The following CNTN5 variants were observed in gnomAD, a reference collection of about 807,000 sequenced individuals.
CNTN5 encodes the protein contactin-5.
A neutral mutation model predicts 129.1 loss-of-function variants in CNTN5; 77 were observed. That is an observed-to-expected ratio of 0.60 (90% CI 0.50 to 0.72). CNTN5 has a LOEUF of 0.72. Among genes scored for constraint, CNTN5 ranks in the 30% least tolerant of loss-of-function variants. The pLI is 0.00. For synonymous variants in CNTN5, 509 were observed against 465.6 expected (o/e 1.09, Z -1.20); for missense variants, 1,478 against 1,328.8 (o/e 1.11, Z -1.75).
intron 2 of CNTN5, among the ~76,000 whole-genome samples, chr11:99,374,370 C>T (rs1327796381): frequency 6.6e-6 from 1 of 152,184 alleles, no homozygotes; most frequent in Non-Finnish European, 1.5e-5. Context: ...ATTTATTTTC[C>T]TTGAAGCTAT....
At chr11:99,654,033 C>T (rs929073927) in intron 3 of CNTN5, among the ~76,000 whole-genome samples, 2 of 151,304 alleles carry the variant, frequency 1.3e-5, no homozygotes, top group South Asian at 4.2e-4. Flanking sequence ...TCAAAAAAGC[C>T]GTTAATGAAT....
chr11:99,821,537 A>G (rs1437149512), intron 4 of CNTN5, among the ~76,000 whole-genome samples: 1 of 151,988 alleles, frequency 6.6e-6, no homozygotes, highest in African/African-American at 2.4e-5. Context: ...TTTTTTCTGG[A>G]AGATCATCAT....
intron 2 of CNTN5, among the ~76,000 whole-genome samples, chr11:99,511,173 A>G (rs144351479): frequency 0.066 from 9,984 of 151,976 alleles, 361 homozygotes; most frequent in African/African-American, 0.097. Context: ...TTCTCTTGTG[A>G]GCATTTAGTG....
intron 3 of CNTN5, among the ~76,000 whole-genome samples, chr11:99,677,455 C>A (rs568693379): frequency 6.6e-6 from 1 of 152,076 alleles, no homozygotes; most frequent in African/African-American, 2.4e-5. Context: ...CTGAACCAGC[C>A]GGTCAAGTTT....
intron 3 of CNTN5, among the ~76,000 whole-genome samples, chr11:99,637,511 G>T (rs1244933213): frequency 6.6e-6 from 1 of 152,144 alleles, no homozygotes; most frequent in African/African-American, 2.4e-5. Context: ...GGTGGTTGAT[G>T]AAGACTGTGC....
At chr11:99,972,471 C>T (rs1951290938) in intron 8 of CNTN5, among the ~76,000 whole-genome samples, 1 of 152,144 alleles carries the variant, frequency 6.6e-6, no homozygotes, top group Non-Finnish European at 1.5e-5. Context: ...AAGAGCAGCC[C>T]TCTCCCAGCT....
At chr11:99,616,199 G>A (rs1189557301) in intron 3 of CNTN5, among the ~76,000 whole-genome samples, 1 of 152,016 alleles carries the variant, frequency 6.6e-6, no homozygotes, top group Non-Finnish European at 1.5e-5. Flanking sequence ...TTATAAGTCC[G>A]CTCTGTTCCC....
At chr11:100,237,051 T>A (rs1949631089) in intron 16 of CNTN5, among the ~76,000 whole-genome samples, 1 of 150,846 alleles carries the variant, frequency 6.6e-6, no homozygotes, top group Admixed American at 6.6e-5. Context: ...TAGCCAGGTG[T>A]GGTGGTGGGC....
chr11:100,041,505 A>T (rs905274031), intron 9 of CNTN5, among the ~76,000 whole-genome samples: 3 of 152,182 alleles, frequency 2.0e-5, no homozygotes, highest in Non-Finnish European at 2.9e-5. Context: ...GCTACTTTCA[A>T]ACTTACTCTT....
chr11:99,968,910 T>C (rs958181890), intron 8 of CNTN5, among the ~76,000 whole-genome samples: 8 of 151,764 alleles, frequency 5.3e-5, no homozygotes, highest in Admixed American at 3.9e-4. Context: ...ATATAGAAAA[T>C]TTGGCTTTTG....
intron 6 of CNTN5, among the ~76,000 whole-genome samples, chr11:99,888,494 A>C (rs1213129662): frequency 3.3e-5 from 5 of 152,206 alleles, no homozygotes; most frequent in African/African-American, 1.2e-4. Flanking sequence ...GACAACAGGA[A>C]GTGCCTAATA....
intron 6 of CNTN5, among the ~76,000 whole-genome samples, chr11:99,889,553 G>A (rs1357081345): frequency 1.1e-5 from 1 of 89,114 alleles, no homozygotes; most frequent in African/African-American, 4.2e-5. Flanking sequence ...TTTTTCTTTT[G>A]AGATTGAGTT....
chr11:100,041,946 C>T (rs1942401745), intron 9 of CNTN5, among the ~76,000 whole-genome samples: 1 of 152,110 alleles, frequency 6.6e-6, no homozygotes, highest in Admixed American at 6.5e-5. Context: ...AGTCAAGAAT[C>T]AGAAAGGAGA....
intron 3 of CNTN5, among the ~76,000 whole-genome samples, chr11:99,596,068 TC>T (rs1336752714): frequency 6.6e-6 from 1 of 152,096 alleles, no homozygotes; most frequent in African/African-American, 2.4e-5. Flanking sequence ...ACCCAGATAA[TC>T]TTTTGGGTCT....
intron 6 of CNTN5, among the ~76,000 whole-genome samples, chr11:99,875,060 A>G (rs1420144326): frequency 6.6e-6 from 1 of 152,182 alleles, no homozygotes; most frequent in African/African-American, 2.4e-5. Context: ...TAGCGTTAGT[A>G]AGAATCAAAT....
intron 13 of CNTN5, among the ~76,000 whole-genome samples, chr11:100,167,137 C>T (rs1320232164): frequency 2.6e-5 from 4 of 151,554 alleles, no homozygotes; most frequent in South Asian, 2.1e-4. Context: ...TTCCAAACCC[C>T]GCCCCCAAAT....
intron 13 of CNTN5, among the ~76,000 whole-genome samples, chr11:100,141,135 G>C (rs1313560112): frequency 3.9e-5 from 6 of 152,072 alleles, no homozygotes; most frequent in East Asian, 1.9e-4. Context: ...CACGTGGTTG[G>C]GGGGAGGCAT....
At chr11:99,992,351 G>A (rs1006530342) in intron 8 of CNTN5, among the ~76,000 whole-genome samples, 26 of 152,274 alleles carry the variant, frequency 1.7e-4, no homozygotes, top group African/African-American at 4.1e-4. Context: ...GCACATACAG[G>A]TTGAATATAA....
chr11:99,769,872 A>G lies in CNTN5; in HGVS notation c.56-49672A>G, dbSNP rs145364395. Among the ~76,000 whole-genome samples, 461 of 152,074 alleles carry G rather than the reference A, an allele frequency of 3.0e-3. 5 individuals are homozygous for G. The highest frequency in any genetic ancestry group is 9.7e-3 in the African/African-American group (401 of 41,510). On this transcript the variant is annotated intron_variant, in intron 3 of 24. Coordinates refer to ENST00000524871, the MANE Select transcript of CNTN5 (RefSeq NM_014361.4). ...GTTGACTGTAATCAGCTCAAGTCTAATATGGTATAGACAAACAGCCTTATC... is the reference window on the plus strand; with the variant it reads ...GTTGACTGTAATCAGCTCAAGTCTAGTATGGTATAGACAAACAGCCTTATC...
Sources: gnomAD v4.1 joint callset for allele counts (sites outside exome capture counted in the v4.1 genomes callset) on GRCh38, gnomAD v4.1.1 for gene constraint, MANE v1.5 for transcripts, NCBI Gene and HGNC (gene_info 2026-07-23, HGNC 2026-07-21) for gene names.